SORCS2: variants seen among roughly 807,000 people sequenced by gnomAD.
The protein encoded by SORCS2 is VPS10 domain-containing receptor SorCS2.
In SORCS2, 100 loss-of-function variants were observed where a neutral mutation model predicts 141.6. The observed-to-expected ratio is 0.71, with a 90% CI of 0.60 to 0.83. The LOEUF is 0.83. SORCS2 is among the 40% of genes least tolerant of loss of function. The pLI, the probability that SORCS2 is intolerant of heterozygous loss-of-function variation, is 0.00. For missense variants in SORCS2, 1,646 were observed against 1,560.2 expected, an observed-to-expected ratio of 1.05 and a Z score of -0.93; for synonymous variants, 789 against 676.9, an observed-to-expected ratio of 1.17 and a Z score of -2.57.
intron 1 of SORCS2, among the ~76,000 whole-genome samples, chr4:7,313,894 C>T (rs985440506): frequency 1.3e-5 from 2 of 152,154 alleles, no homozygotes; most frequent in African/African-American, 2.4e-5. Flanking sequence ...GCCTGGGAGG[C>T]CCTGTCCCAT....
intron 2 of SORCS2, among the ~76,000 whole-genome samples, chr4:7,427,499 G>A (rs1380299097): frequency 2.6e-5 from 4 of 152,186 alleles, no homozygotes; most frequent in Non-Finnish European, 4.4e-5. Flanking sequence ...GGGCCGAGGA[G>A]CTGGGCTGCG....
intron 2 of SORCS2, among the ~76,000 whole-genome samples, chr4:7,450,870 G>C (rs1194121964): frequency 6.6e-6 from 1 of 152,156 alleles, no homozygotes; most frequent in Non-Finnish European, 1.5e-5. Context: ...GTGAGTGAAC[G>C]CATGAGTGAC....
intron 1 of SORCS2, among the ~76,000 whole-genome samples, chr4:7,220,702 C>A (rs139716588): frequency 0.012 from 1,824 of 152,258 alleles, 36 homozygotes; most frequent in African/African-American, 0.041. Context: ...CTCCCATTTC[C>A]GGCCCCATTT....
At chr4:7,407,768 T>C (rs1367731470) in intron 2 of SORCS2, among the ~76,000 whole-genome samples, 1 of 152,148 alleles carries the variant, frequency 6.6e-6, no homozygotes, top group African/African-American at 2.4e-5. Flanking sequence ...TTTCTTACTA[T>C]TTTTCTTTGT....
chr4:7,387,490 C>T (rs971562770), intron 1 of SORCS2, among the ~76,000 whole-genome samples: 2 of 150,582 alleles, frequency 1.3e-5, no homozygotes, highest in African/African-American at 4.9e-5. Flanking sequence ...CACATACATA[C>T]ACATGCACAC....
At position 7,334,826 on chromosome 4, in the gene SORCS2, C is replaced by G. The variant is rs115260901; in HGVS notation, c.481-61462C>G. 3.6e-3 allele frequency among the ~76,000 whole-genome samples: 544 copies of G among 152,040 alleles called. 3 individuals are homozygous for G. The highest frequency in any genetic ancestry group is 5.9e-3 in the Non-Finnish European group (398 of 67,980). On this transcript the variant is annotated intron_variant, in intron 1 of 26. Coordinates refer to ENST00000507866, the MANE Select transcript of SORCS2 (RefSeq NM_020777.3). ...TGGAAGAGGTGACGTGTGAGCAGGC[C>G]CTGTAGGATGATAGGAGTTGGCCTG...
intron 2 of SORCS2, chr4:7,434,069 CGT>C: frequency 6.2e-7 from 1 of 1,610,984 alleles, no homozygotes; most frequent in Non-Finnish European, 8.5e-7. Context: ...GAGGGGACCC[CGT>C]CCATGGCCAC....
intron 1 of SORCS2, among the ~76,000 whole-genome samples, chr4:7,240,143 AC>A (rs1712591071): frequency 6.6e-6 from 1 of 151,760 alleles, no homozygotes; most frequent in Non-Finnish European, 1.5e-5. Context: ...GGCTGTGATG[AC>A]CCCGGCCCCA....
intron 2 of SORCS2, among the ~76,000 whole-genome samples, chr4:7,461,934 A>AC (rs1729339397): frequency 3.8e-5 from 5 of 131,520 alleles, no homozygotes; most frequent in African/African-American, 1.5e-4. Context: ...GCTGTCCTGC[A>AC]GGCTTCAGTG....
intron 2 of SORCS2, among the ~76,000 whole-genome samples, chr4:7,423,696 C>T (rs796390688): frequency 3.3e-5 from 5 of 152,254 alleles, no homozygotes; most frequent in East Asian, 1.9e-4. Context: ...TGGCATGAGT[C>T]GGTGCTCAGG....
At chr4:7,434,358 G>A (rs1471751637) in intron 2 of SORCS2, 2 of 1,608,286 alleles carry the variant, frequency 1.2e-6, no homozygotes, top group East Asian at 2.2e-5. Flanking sequence ...CCTGGCGGGG[G>A]TGGAAGGTAA....
chr4:7,639,854 G>GGT (rs888730914), intron 4 of SORCS2, among the ~76,000 whole-genome samples: 1 of 146,478 alleles, frequency 6.8e-6, no homozygotes, highest in African/African-American at 2.5e-5. Flanking sequence ...TGGGTGTGAG[G>GGT]GTGTGTGTGA....
chr4:7,614,388 C>T (rs953602395), intron 3 of SORCS2, among the ~76,000 whole-genome samples: 5 of 151,566 alleles, frequency 3.3e-5, no homozygotes, highest in African/African-American at 1.2e-4. Context: ...TCCACCTTTC[C>T]ACCATCCACC....
At chr4:7,230,851 A>G (rs1711821474) in intron 1 of SORCS2, among the ~76,000 whole-genome samples, 1 of 151,968 alleles carries the variant, frequency 6.6e-6, no homozygotes, top group Non-Finnish European at 1.5e-5. Context: ...TATGAAGGAG[A>G]TGAAGATGGT....
At chr4:7,675,970 G>T in intron 8 of SORCS2, 80 bp from the exon 9 acceptor site, 1 of 1,481,978 alleles carries the variant, frequency 6.7e-7, no homozygotes, top group Non-Finnish European at 9.1e-7. Context: ...GCACCCTCAC[G>T]GCCTGTGCAG....
At chr4:7,255,052 T>A (rs1202425795) in intron 1 of SORCS2, among the ~76,000 whole-genome samples, 1 of 151,982 alleles carries the variant, frequency 6.6e-6, no homozygotes, top group Non-Finnish European at 1.5e-5. Flanking sequence ...AGAGTGAGTG[T>A]GTGAGCGTGC....
At chr4:7,229,967 G>C (rs1044426122) in intron 1 of SORCS2, among the ~76,000 whole-genome samples, 1 of 144,414 alleles carries the variant, frequency 6.9e-6, no homozygotes, top group African/African-American at 2.6e-5. Flanking sequence ...ATGTATGAAG[G>C]AGATGAAGAT....
At chr4:7,544,845 C>T (rs1040147564) in intron 3 of SORCS2, among the ~76,000 whole-genome samples, 3 of 152,304 alleles carry the variant, frequency 2.0e-5, no homozygotes, top group African/African-American at 7.2e-5. Flanking sequence ...GAGGGCTGTT[C>T]CTGTGAGGGG....
chr4:7,616,936 A>C (rs1464990188), intron 3 of SORCS2, among the ~76,000 whole-genome samples: 1 of 152,098 alleles, frequency 6.6e-6, no homozygotes, highest in African/African-American at 2.4e-5. Context: ...ACAGCCCCAC[A>C]AGGCCCCTGA....
Sources: gnomAD v4.1 joint callset for allele counts (sites outside exome capture counted in the v4.1 genomes callset) on GRCh38, gnomAD v4.1.1 for gene constraint, MANE v1.5 for transcripts, NCBI Gene and HGNC (gene_info 2026-07-23, HGNC 2026-07-21) for gene names.